The following KCTD1 variants were observed in gnomAD, a reference collection of about 807,000 sequenced individuals.
The protein encoded by KCTD1 is BTB/POZ domain-containing protein KCTD1.
KCTD1 carries 24 observed loss-of-function variants against 66.0 expected under a neutral mutation model. That is an observed-to-expected ratio of 0.36 (90% CI 0.26 to 0.51). The LOEUF (loss-of-function observed/expected upper bound fraction) is 0.51, where lower values mean the gene tolerates loss of function less well. Ranked by LOEUF, KCTD1 falls within the 20% of genes least tolerant of loss-of-function variation. The pLI is 0.95. For synonymous variants in KCTD1, 511 were observed against 517.2 expected (o/e 0.99, Z 0.16); for missense variants, 943 against 1,205.2 (o/e 0.78, Z 3.22).
chr18:26,495,534 G>A (rs1411389863), intron 2 of KCTD1, among the ~76,000 whole-genome samples: 1 of 152,158 alleles, frequency 6.6e-6, no homozygotes, highest in Non-Finnish European at 1.5e-5. Context: ...TGACTGCAAG[G>A]CTGAAAGTAG....
At chr18:26,511,487 C>T (rs887581321) in intron 1 of KCTD1, among the ~76,000 whole-genome samples, 1 of 152,202 alleles carries the variant, frequency 6.6e-6, no homozygotes, top group Admixed American at 6.5e-5. Flanking sequence ...TGAAGTCGCC[C>T]TGCACACGCT....
At chr18:26,648,800 T>C (rs779031170) in intron 1 of KCTD1, among the ~76,000 whole-genome samples, 3 of 152,216 alleles carry the variant, frequency 2.0e-5, no homozygotes, top group African/African-American at 4.8e-5. Context: ...CCACTCACCA[T>C]ATGTGAACCT....
chr18:26,637,347 C>A (rs1342587507), intron 1 of KCTD1, among the ~76,000 whole-genome samples: 1 of 152,182 alleles, frequency 6.6e-6, no homozygotes, highest in Non-Finnish European at 1.5e-5. Flanking sequence ...TTTATGTGAA[C>A]CCCAGAGACT....
chr18:26,591,200 A>AT (rs1986594556), intron 1 of KCTD1, among the ~76,000 whole-genome samples: 1 of 151,816 alleles, frequency 6.6e-6, no homozygotes, highest in African/African-American at 2.4e-5. Context: ...AATTATTATT[A>AT]TTTTTTCCAT....
chr18:26,624,519 C>A (rs953229739), intron 1 of KCTD1, among the ~76,000 whole-genome samples: 1 of 152,236 alleles, frequency 6.6e-6, no homozygotes, highest in Non-Finnish European at 1.5e-5. Flanking sequence ...AAGTCCCAAG[C>A]CTTGGTGGCT....
At chr18:26,486,295 C>T (rs1370098282) in intron 2 of KCTD1, among the ~76,000 whole-genome samples, 1 of 152,178 alleles carries the variant, frequency 6.6e-6, no homozygotes, top group African/African-American at 2.4e-5. Flanking sequence ...AGTAACTTGC[C>T]AAGGGTTTCT....
At chr18:26,455,926 C>CAGTT (rs751584935) in intron 4 of KCTD1, 25 bp from the exon 5 acceptor site, 93 of 1,607,486 alleles carry the variant, frequency 5.8e-5, no homozygotes, top group Admixed American at 8.4e-5. Context: ...GACAAGCATC[C>CAGTT]AGTTAGGGGT....
chr18:26,549,704 A>G (rs1371569746), upstream of KCTD1: 2 of 985,220 alleles, frequency 2.0e-6, no homozygotes, highest in Non-Finnish European at 2.4e-6. Context: ...CAATTCGGCA[A>G]TTCGGATCCG....
At chr18:26,474,475 A>G (rs1981236811) in intron 3 of KCTD1, among the ~76,000 whole-genome samples, 1 of 152,248 alleles carries the variant, frequency 6.6e-6, no homozygotes, top group African/African-American at 2.4e-5. Flanking sequence ...AACACTGTAT[A>G]TTACACATCT....
In KCTD1 at chr18:26,546,919, C is replaced by G; in HGVS notation, c.1618G>C (p.Val540Leu). Residue 540 changes from valine to leucine, a missense_variant, in exon 1 of 5, where the codon GTG becomes CTG. This residue lies in a region of KCTD1 where 197 missense variants were observed against 182.7 expected (regional missense o/e 1.08). Coordinates refer to ENST00000580059, the MANE Select transcript of KCTD1 (RefSeq NM_001142730.3). ...AAPKRALYES[V>L]FGSGEICGPT... The stretch of plus-strand genomic sequence containing the variant: ...CCGCAGATTTCCCCCGACCCGAACA[C>G]AGACTCGTACAGGGCGCGCTTGGGC... 6.8e-7 allele frequency: 1 copy of G among 1,475,634 alleles called. No homozygotes were observed. The highest frequency in any genetic ancestry group is 2.5e-5 in the Admixed American group (1 of 39,508). The allele number at this position is 1,475,634 out of a possible 1,614,324, so 91.4% of individuals were successfully genotyped here.
At position 26,547,112 on chromosome 18, in the gene KCTD1, G is replaced by C. The variant is rs1369283647; in HGVS notation, c.1425C>G (p.Ala475=). 1.3e-6 allele frequency: 2 copies of C among 1,549,420 alleles called. No individual in the cohort carries two copies. Among genetic ancestry groups the C allele is most frequent in the Non-Finnish European group, 1.7e-6 (2 of 1,146,812 alleles). Residue 475 remains alanine, a synonymous_variant, in exon 1 of 5, where the codon GCC becomes GCG. Transcript: ENST00000580059. ...AGIGTKLGSP[A]PQGCYAEALN... The stretch of plus-strand genomic sequence containing the variant: ...GAGCCTCGGCGTAGCAGCCCTGCGG[G>C]GCGGGCGAGCCCAGCTTGGTGCCAA...
intron 1 of KCTD1, among the ~76,000 whole-genome samples, chr18:26,616,141 C>CTTTTTTTTTTT (rs11354165): frequency 2.9e-5 from 4 of 138,104 alleles, no homozygotes; most frequent in South Asian, 2.3e-4. Context: ...TTAAGTGTTT[C>CTTTTTTTTTTT]TTTTTTTTTT....
Position 26,548,367 on chromosome 18 carries a change from T to A in KCTD1, c.170A>T (p.Glu57Val). The change falls in exon 1 of 5, where the codon GAG becomes GTG. Residue 57 changes from glutamate (E) to valine (V), a missense_variant. Physicochemically the swap from Glu to Val is moderately radical, Grantham distance 121. Transcript: ENST00000580059. ...CTCGTCCTCCTCCTCCTCTTCCTCC[T>A]CCTCCTCGCCCGCGCTGCAGTAGTG... The part of the protein sequence containing the change: ...RPHYCSAGEE[E>V]EEEEEEDEIQ... The A allele has an allele frequency of 6.8e-7, 1 of 1,480,770 alleles. No homozygotes were observed. The highest frequency in any genetic ancestry group is 2.3e-4 in the Middle Eastern group (1 of 4,314). The allele number at this position is 1,480,770 out of a possible 1,614,324, so 91.7% of individuals were successfully genotyped here.
At chr18:26,592,419 T>A (rs1225899859) in intron 1 of KCTD1, among the ~76,000 whole-genome samples, 1 of 152,216 alleles carries the variant, frequency 6.6e-6, no homozygotes, top group African/African-American at 2.4e-5. Context: ...TTTACAATAG[T>A]TCCATGGCTA....
chr18:26,479,219 A>C (rs988111794), intron 2 of KCTD1, among the ~76,000 whole-genome samples: 5 of 152,238 alleles, frequency 3.3e-5, no homozygotes, highest in African/African-American at 1.2e-4. Flanking sequence ...GGTGGGAGAG[A>C]CAGTGGGGAG....
chr18:26,471,850 T>C (rs1053974996), intron 3 of KCTD1, among the ~76,000 whole-genome samples: 1 of 151,740 alleles, frequency 6.6e-6, no homozygotes, highest in Non-Finnish European at 1.5e-5. Flanking sequence ...GGGGTAAGAG[T>C]GGGAGGGGGT....
chr18:26,461,968 A>C (rs193253206), intron 3 of KCTD1, among the ~76,000 whole-genome samples: 3 of 152,166 alleles, frequency 2.0e-5, no homozygotes, highest in Non-Finnish European at 4.4e-5. Flanking sequence ...AATACAAAAA[A>C]TTAGCCGGGC....
intron 1 of KCTD1, among the ~76,000 whole-genome samples, chr18:26,586,785 C>T: frequency 1.1e-5 from 1 of 95,040 alleles, no homozygotes; most frequent in East Asian, 2.8e-4. Context: ...TAAGCCAAAG[C>T]CTAATCCAAA....
At chr18:26,548,803 C>T (rs1985412738), upstream of KCTD1, 1 of 1,100,484 alleles carries the variant, frequency 9.1e-7, no homozygotes, top group Admixed American at 5.1e-5. Context: ...CTCCCCCACC[C>T]GGCTCCCACT....
Sources: allele counts gnomAD v4.1 joint callset (sites outside exome capture counted in the v4.1 genomes callset), GRCh38; gene constraint gnomAD v4.1.1; regional missense constraint gnomAD v4.1.1; transcripts MANE v1.5; gene names NCBI Gene and HGNC (gene_info 2026-07-23, HGNC 2026-07-21).